Variants in GOLM1 observed in about 807,000 individuals in gnomAD.
The protein encoded by GOLM1 is epididymis luminal protein 46.
A neutral mutation model predicts 50.5 loss-of-function variants in GOLM1; 31 were observed. That is an observed-to-expected ratio of 0.61 (90% CI 0.46 to 0.83). The LOEUF (loss-of-function observed/expected upper bound fraction) is 0.83, where lower values mean the gene tolerates loss of function less well. Ranked by LOEUF, GOLM1 falls within the 40% of genes least tolerant of loss-of-function variation. The pLI, the probability that GOLM1 is intolerant of heterozygous loss-of-function variation, is 0.00. For synonymous variants in GOLM1, 178 were observed against 192.8 expected, an observed-to-expected ratio of 0.92 and a Z score of 0.64; for missense variants, 491 against 501.3, an observed-to-expected ratio of 0.98 and a Z score of 0.20.
At chr9:86,090,976 GCA>G (rs1238356119) in intron 1 of GOLM1, among the ~76,000 whole-genome samples, 2 of 152,068 alleles carry the variant, frequency 1.3e-5, no homozygotes, top group Non-Finnish European at 2.9e-5. Context: ...GTCCCTCATG[GCA>G]CAGTCCCTCA....
intron 3 of GOLM1, among the ~76,000 whole-genome samples, chr9:86,063,919 G>A (rs1376886260): frequency 6.6e-6 from 1 of 152,192 alleles, no homozygotes; most frequent in Non-Finnish European, 1.5e-5. Flanking sequence ...CTGGTCAGCC[G>A]CTAACCATCG....
intron 5 of GOLM1, among the ~76,000 whole-genome samples, chr9:86,044,376 A>T (rs750450928): frequency 2.0e-5 from 3 of 152,338 alleles, no homozygotes; most frequent in Non-Finnish European, 2.9e-5. Flanking sequence ...AGTTAGTAGG[A>T]AGATATTACG....
At position 86,027,537 on chromosome 9, in the gene GOLM1, A is replaced by C; in HGVS notation, c.*280T>G. ...GAAGCCCCGCTGTCGCCAACACTTG[A>C]AGGAGAACTATGTTCCAGTTTTGGT... On this transcript the variant is annotated 3_prime_UTR_variant, in exon 10 of 10. Coordinates refer to ENST00000388712, the MANE Select transcript of GOLM1 (RefSeq NM_016548.4). 1 of 1,226,764 alleles carries C rather than the reference A, an allele frequency of 8.2e-7. No homozygotes were observed. Among genetic ancestry groups the C allele is most frequent in the Non-Finnish European group, 1.0e-6 (1 of 981,460 alleles). 76.0% of individuals were successfully genotyped at this position (1,226,764 alleles called of 1,614,324 possible).
intron 1 of GOLM1, among the ~76,000 whole-genome samples, chr9:86,089,816 C>A (rs1160351020): frequency 6.6e-6 from 1 of 152,116 alleles, no homozygotes; most frequent in African/African-American, 2.4e-5. Flanking sequence ...GAGGTGTGAT[C>A]CTTTGGAGGA....
At chr9:86,077,330 C>T in intron 3 of GOLM1, 82 bp downstream of exon 3, 10 of 1,140,906 alleles carry the variant, frequency 8.8e-6, no homozygotes, top group South Asian at 2.6e-5. Flanking sequence ...CAGCCGCTTG[C>T]TCATCCTCCC....
At chr9:86,058,209 T>C (rs7024927) in intron 3 of GOLM1, among the ~76,000 whole-genome samples, 50,244 of 152,088 alleles carry the variant, frequency 0.33, 10,162 homozygotes, top group African/African-American at 0.56. Context: ...AAAATGTCAG[T>C]TGTACCCGGA....
At chr9:86,046,983 G>A (rs1385050301) in intron 4 of GOLM1, among the ~76,000 whole-genome samples, 1 of 141,238 alleles carries the variant, frequency 7.1e-6, no homozygotes, top group East Asian at 4.7e-4. Flanking sequence ...GTAAAACACT[G>A]ATTTTTGATG....
chr9:86,037,438 C>CAAAAAAAAAAAAAAAAAA (rs112398885), intron 6 of GOLM1, among the ~76,000 whole-genome samples: 1 of 59,210 alleles, frequency 1.7e-5, no homozygotes, highest in Non-Finnish European at 4.1e-5. Context: ...GACTGTCTCT[C>CAAAAAAAAAAAAAAAAAA]AAAAAAAAAA....
chr9:86,072,985 A>G (rs1160312782), intron 3 of GOLM1, among the ~76,000 whole-genome samples: 1 of 152,240 alleles, frequency 6.6e-6, no homozygotes, highest in Non-Finnish European at 1.5e-5. Context: ...AAAAGATTAG[A>G]ATTTGATGGG....
At chr9:86,074,401 C>A (rs1250439960) in intron 3 of GOLM1, among the ~76,000 whole-genome samples, 1 of 152,162 alleles carries the variant, frequency 6.6e-6, no homozygotes, top group Non-Finnish European at 1.5e-5. Context: ...GTCTTTAATG[C>A]AGACAAAGGT....
chr9:86,091,700 C>T (rs1835190628), intron 1 of GOLM1, among the ~76,000 whole-genome samples: 1 of 152,104 alleles, frequency 6.6e-6, no homozygotes. Flanking sequence ...CACATGCTGC[C>T]GCACATGGCT....
chr9:86,030,680 ACACT>A (rs766995461), intron 9 of GOLM1, among the ~76,000 whole-genome samples: 7 of 152,232 alleles, frequency 4.6e-5, no homozygotes, highest in Non-Finnish European at 1.0e-4. Context: ...CATGAATTGG[ACACT>A]CACTAAATTT....
intron 2 of GOLM1, 24 bp downstream of exon 2, chr9:86,079,168 A>G (rs368717488): frequency 2.0e-6 from 3 of 1,497,570 alleles, no homozygotes; most frequent in Non-Finnish European, 2.7e-6. Flanking sequence ...TAAAATAAAC[A>G]TAACAATAAA....
intron 5 of GOLM1, among the ~76,000 whole-genome samples, chr9:86,044,663 A>G (rs1833474895): frequency 6.6e-6 from 1 of 152,240 alleles, no homozygotes. Context: ...TTAAAAAATA[A>G]GAGGCTGGCC....
intron 3 of GOLM1, among the ~76,000 whole-genome samples, chr9:86,072,947 TAGTA>T (rs925815843): frequency 9.2e-5 from 14 of 152,170 alleles, no homozygotes; most frequent in South Asian, 2.1e-4. Flanking sequence ...ACAGTAAAAG[TAGTA>T]AGTATTTGTG....
intron 3 of GOLM1, among the ~76,000 whole-genome samples, chr9:86,059,738 T>C (rs1350296614): frequency 6.6e-6 from 1 of 151,660 alleles, no homozygotes; most frequent in Non-Finnish European, 1.5e-5. Context: ...CTACTAAAAA[T>C]ACAAAAATTA....
At chr9:86,099,762 T>TGCCCCTTCCCCCGGGCC (rs1292773117), upstream of GOLM1, among the ~76,000 whole-genome samples, 1 of 151,986 alleles carries the variant, frequency 6.6e-6, no homozygotes, top group Non-Finnish European at 1.5e-5. Context: ...CGCTGGGCGT[T>TGCCCCTTCCCCCGGGCC]GCCCCTTCCC....
At chr9:86,060,876 C>CAAAAAAAAAAAAAAAAAAAAAAAAAAAA (rs753183065) in intron 3 of GOLM1, among the ~76,000 whole-genome samples, 2 of 19,910 alleles carry the variant, frequency 1.0e-4, no homozygotes, top group African/African-American at 1.4e-4. Context: ...GAAACTCTCT[C>CAAAAAAAAAAAAAAAAAAAAAAAAAAAA]AAAAAAAAAA....
At chr9:86,062,188 C>T (rs1834179346) in intron 3 of GOLM1, among the ~76,000 whole-genome samples, 1 of 152,134 alleles carries the variant, frequency 6.6e-6, no homozygotes, top group African/African-American at 2.4e-5. Context: ...AAGCACCTCG[C>T]TGGGAGAGTG....
Sources: gnomAD v4.1 joint callset for allele counts (sites outside exome capture counted in the v4.1 genomes callset) on GRCh38, gnomAD v4.1.1 for gene constraint, MANE v1.5 for transcripts, NCBI Gene and HGNC (gene_info 2026-07-23, HGNC 2026-07-21) for gene names.